SPIDR: variants seen among roughly 807,000 people sequenced by gnomAD.
SPIDR encodes scaffold protein involved in DNA repair.
In SPIDR, 93 loss-of-function variants were observed where a neutral mutation model predicts 104.6. That is an observed-to-expected ratio of 0.89 (90% confidence interval 0.75 to 1.06). The LOEUF (loss-of-function observed/expected upper bound fraction) is 1.06. Ranked by LOEUF, SPIDR falls within the 50% of genes least tolerant of loss-of-function variation. The pLI, the probability that SPIDR is intolerant of heterozygous loss-of-function variation, is 0.00. For synonymous variants in SPIDR, 431 were observed against 416.9 expected (o/e 1.03, Z -0.41); for missense variants, 1,154 against 1,111.2 (o/e 1.04, Z -0.55).
chr8:47,706,279 G>A (rs1188159223), intron 14 of SPIDR, among the ~76,000 whole-genome samples: 1 of 152,162 alleles, frequency 6.6e-6, no homozygotes, highest in Non-Finnish European at 1.5e-5. Flanking sequence ...TGTAGTCCCA[G>A]CTACTTGGGA....
intron 8 of SPIDR, among the ~76,000 whole-genome samples, chr8:47,524,076 G>A (rs1253700591): frequency 6.6e-6 from 1 of 152,122 alleles, no homozygotes; most frequent in Non-Finnish European, 1.5e-5. Context: ...TCTGAGTTAG[G>A]TTACCAAATG....
chr8:47,341,409 G>T (rs2050733800), intron 5 of SPIDR, among the ~76,000 whole-genome samples: 2 of 152,032 alleles, frequency 1.3e-5, no homozygotes, highest in African/African-American at 4.8e-5. Flanking sequence ...TTGGTTGCAG[G>T]TCAGGGCCTT....
rs782510097 is a variant in SPIDR at position 47,440,391 on chromosome 8, A to G, written c.946A>G (p.Met316Val). 4.3e-6 allele frequency: 7 copies of G among 1,614,126 alleles called. No homozygotes were observed. The change falls in exon 8 of 20, where the codon ATG becomes GTG. Residue 316 changes from methionine (M) to valine (V), a missense_variant. Coordinates refer to ENST00000297423, the MANE Select transcript of SPIDR (RefSeq NM_001080394.4). ...TGAGGAATGTGCCATGCAAGTTGCC[A>G]TGTGTGAGCAGTTATTGGGGTCACC... ...LHEECAMQVAMCEQLLGSPAT... is the reference protein window; with the variant it reads ...LHEECAMQVAVCEQLLGSPAT...
Position 47,460,508 on chromosome 8 carries a change from G to A in SPIDR, c.1097+19966G>A, listed in dbSNP as rs115982946. 3.1e-3 allele frequency among the ~76,000 whole-genome samples: 466 copies of A among 152,144 alleles called. 1 individual carries two copies. Among genetic ancestry groups the A allele is most frequent in the African/African-American group, 0.011 (452 of 41,512 alleles). On this transcript the variant is annotated intron_variant, in intron 8 of 19. Transcript: ENST00000297423. ...CTGCTCAGTTTTGGTGTTCATTTGC[G>A]TGGGCTGTCTTTTTACACCCCTTTA...
rs1033852327 is a variant in SPIDR, at chr8:47,618,349, A to T, written c.1544+19153A>T. On this transcript the variant is annotated intron_variant, in intron 10 of 19. Coordinates refer to ENST00000297423, the MANE Select transcript of SPIDR (RefSeq NM_001080394.4). ...CAAACTGAGTTTATTAAAATCTGAT[A>T]TGAATTAAAAAAAATTTTTCCCTTT... Among the ~76,000 whole-genome samples, 18 of 152,292 alleles carry T rather than the reference A, an allele frequency of 1.2e-4. No individual in the cohort carries two copies. The East Asian group carries it at 2.7e-3, about 23-fold the overall frequency.
intron 8 of SPIDR, among the ~76,000 whole-genome samples, chr8:47,538,870 T>G (rs1257891966): frequency 2.8e-5 from 4 of 142,552 alleles, no homozygotes; most frequent in African/African-American, 7.8e-5. Context: ...TTTTTTTTTT[T>G]TTTTTTTTGA....
chr8:47,267,386 A>C (rs1331981125), intron 1 of SPIDR, among the ~76,000 whole-genome samples: 11 of 152,142 alleles, frequency 7.2e-5, no homozygotes, highest in African/African-American at 2.7e-4. Context: ...CTAGCAGTGG[A>C]ATTTTTGGGT....
chr8:47,298,515 T>C (rs1554574457), intron 5 of SPIDR, among the ~76,000 whole-genome samples: 1 of 152,208 alleles, frequency 6.6e-6, no homozygotes, highest in Non-Finnish European at 1.5e-5. Context: ...GTTTTAGACA[T>C]GAAGTCCTTG....
intron 5 of SPIDR, among the ~76,000 whole-genome samples, chr8:47,347,390 G>A (rs2052353089): frequency 6.6e-6 from 1 of 152,222 alleles, no homozygotes; most frequent in Non-Finnish European, 1.5e-5. Context: ...TTTGGAATAA[G>A]TGTGATGTGG....
intron 5 of SPIDR, among the ~76,000 whole-genome samples, chr8:47,306,482 A>G (rs2043117718): frequency 6.6e-6 from 1 of 152,076 alleles, no homozygotes; most frequent in African/African-American, 2.4e-5. Context: ...ATTCCATTGT[A>G]TGTTTATACC....
At chr8:47,554,193 G>A (rs1390849422) in intron 8 of SPIDR, among the ~76,000 whole-genome samples, 1 of 152,178 alleles carries the variant, frequency 6.6e-6, no homozygotes, top group Non-Finnish European at 1.5e-5. Flanking sequence ...GGCTACTCGA[G>A]GGTCAGGGAC....
At chr8:47,517,412 C>A (rs996527662) in intron 8 of SPIDR, among the ~76,000 whole-genome samples, 3 of 152,164 alleles carry the variant, frequency 2.0e-5, no homozygotes, top group African/African-American at 7.2e-5. Flanking sequence ...AATACCAACC[C>A]TCCCCATGCC....
intron 1 of SPIDR, among the ~76,000 whole-genome samples, chr8:47,268,462 T>C (rs2034548607): frequency 1.3e-5 from 2 of 152,232 alleles, no homozygotes; most frequent in Non-Finnish European, 2.9e-5. Flanking sequence ...GGTTGTCTTT[T>C]CATTTATTTA....
intron 10 of SPIDR, chr8:47,667,793 T>C (rs1357065732): frequency 6.6e-6 from 1 of 152,184 alleles, no homozygotes; most frequent in Non-Finnish European, 1.5e-5. Context: ...GCAGCACGTA[T>C]ACTGTAATTG....
intron 5 of SPIDR, among the ~76,000 whole-genome samples, chr8:47,378,955 A>G (rs1554643959): frequency 6.6e-6 from 1 of 152,172 alleles, no homozygotes; most frequent in East Asian, 1.9e-4. Context: ...CAGAACCTAT[A>G]TTTTATTCAT....
intron 10 of SPIDR, among the ~76,000 whole-genome samples, chr8:47,666,581 A>G (rs774928965): frequency 1.2e-4 from 19 of 152,226 alleles, no homozygotes; most frequent in Non-Finnish European, 2.6e-4. Context: ...TCTGATCTAC[A>G]GTCTTCTATG....
chr8:47,300,841 A>C (rs960624691), intron 5 of SPIDR, among the ~76,000 whole-genome samples: 2 of 152,158 alleles, frequency 1.3e-5, no homozygotes, highest in Non-Finnish European at 2.9e-5. Context: ...GTTCTTTTAC[A>C]TATGCTGAGG....
chr8:47,641,160 TTTTAA>T (rs1262543410), intron 10 of SPIDR, among the ~76,000 whole-genome samples: 1 of 151,784 alleles, frequency 6.6e-6, no homozygotes, highest in Non-Finnish European at 1.5e-5. Context: ...ACTAGGTAAT[TTTTAA>T]TTTAATTTTA....
chr8:47,526,549 A>G (rs926769867), intron 8 of SPIDR, among the ~76,000 whole-genome samples: 19 of 152,218 alleles, frequency 1.2e-4, no homozygotes, highest in African/African-American at 4.3e-4. Flanking sequence ...TGGCTGTTTT[A>G]TGGAGATGGT....
Sources: gnomAD v4.1 joint callset for allele counts (sites outside exome capture counted in the v4.1 genomes callset) on GRCh38, gnomAD v4.1.1 for gene constraint, MANE v1.5 for transcripts, NCBI Gene and HGNC (gene_info 2026-07-23, HGNC 2026-07-21) for gene names.